The following MAST4 variants were observed in gnomAD, a reference collection of about 807,000 sequenced individuals.
MAST4 encodes the protein microtubule-associated serine/threonine-protein kinase 4.
MAST4 carries 89 observed loss-of-function variants against 162.7 expected under a neutral mutation model. That is an observed-to-expected ratio of 0.55 (90% confidence interval 0.46 to 0.65). The LOEUF is 0.65. Among genes scored for constraint, MAST4 ranks in the 30% least tolerant of loss-of-function variants. The pLI, the probability that MAST4 is intolerant of heterozygous loss-of-function variation, is 0.00. For synonymous variants in MAST4, 1,479 were observed against 1,361.1 expected, an observed-to-expected ratio of 1.09 and a Z score of -1.91; for missense variants, 3,153 against 3,374.0, an observed-to-expected ratio of 0.93 and a Z score of 1.62.
intron 1 of MAST4, among the ~76,000 whole-genome samples, chr5:66,609,419 TG>T (rs1241567841): frequency 7.1e-6 from 1 of 140,234 alleles, no homozygotes; most frequent in Non-Finnish European, 1.5e-5. Flanking sequence ...TGAGACAGCC[TG>T]GCTCTGTTTC....
At chr5:66,605,605 G>C (rs1347935733) in intron 1 of MAST4, among the ~76,000 whole-genome samples, 2 of 152,032 alleles carry the variant, frequency 1.3e-5, no homozygotes, top group Non-Finnish European at 1.5e-5. Flanking sequence ...GAATTACTTG[G>C]TTATTTGTTC....
intron 3 of MAST4, among the ~76,000 whole-genome samples, chr5:66,831,397 A>G (rs1364613666): frequency 6.6e-6 from 1 of 152,196 alleles, no homozygotes; most frequent in East Asian, 1.9e-4. Context: ...CTTAAAGCCC[A>G]GTGTCAAAAA....
intron 3 of MAST4, among the ~76,000 whole-genome samples, chr5:66,872,332 G>C (rs1480304793): frequency 6.6e-6 from 1 of 152,034 alleles, no homozygotes; most frequent in African/African-American, 2.4e-5. Context: ...ACCATGCCTG[G>C]CTAATTTTTG....
intron 4 of MAST4, among the ~76,000 whole-genome samples, chr5:67,038,617 G>A (rs1756330915): frequency 6.6e-6 from 1 of 152,166 alleles, no homozygotes. Flanking sequence ...CCAAGTGCTA[G>A]TCTTCAATTT....
At chr5:66,842,352 A>G (rs762062034) in intron 3 of MAST4, among the ~76,000 whole-genome samples, 8 of 152,170 alleles carry the variant, frequency 5.3e-5, no homozygotes, top group Non-Finnish European at 1.0e-4. Context: ...TAAATGGACA[A>G]AATTTGCCAA....
At chr5:66,934,894 A>G (rs1580930331) in intron 4 of MAST4, among the ~76,000 whole-genome samples, 2 of 152,184 alleles carry the variant, frequency 1.3e-5, no homozygotes, top group South Asian at 4.1e-4. Context: ...GGGTGATTCT[A>G]TAATTTCTGT....
At chr5:66,833,115 T>C (rs961245791) in intron 3 of MAST4, among the ~76,000 whole-genome samples, 1 of 152,196 alleles carries the variant, frequency 6.6e-6, no homozygotes, top group Non-Finnish European at 1.5e-5. Context: ...TAAGAGTGGA[T>C]TTTAACTGTA....
intron 3 of MAST4, among the ~76,000 whole-genome samples, chr5:66,864,542 A>G (rs1340827564): frequency 6.6e-6 from 1 of 152,136 alleles, no homozygotes; most frequent in Non-Finnish European, 1.5e-5. Context: ...ATATTACGGC[A>G]TCTTCCCTTG....
intron 1 of MAST4, among the ~76,000 whole-genome samples, chr5:66,755,239 T>C (rs1373568790): frequency 6.6e-6 from 1 of 151,994 alleles, no homozygotes; most frequent in Non-Finnish European, 1.5e-5. Context: ...GGATATGGAG[T>C]GTGAAAGAGA....
Position 66,635,226 on chromosome 5 carries a change from C to T in MAST4, c.363+38208C>T, listed in dbSNP as rs77279173. Among the ~76,000 whole-genome samples the T allele has an allele frequency of 8.6e-3, 1,302 of 152,240 alleles. 12 individuals are homozygous for T. Among genetic ancestry groups the T allele is most frequent in the African/African-American group, 0.029 (1,200 of 41,514 alleles). On this transcript the variant is annotated intron_variant, in intron 1 of 28. Coordinates refer to ENST00000403625, the MANE Select transcript of MAST4 (RefSeq NM_001164664.2). The stretch of plus-strand genomic sequence containing the variant: ...CGCCATTTCCAACCTTGCTGGTAAC[C>T]GTGCCAGAGTGAAAGAGCTCTGGGA...
At chr5:66,917,368 G>GCAGTT in intron 4 of MAST4, 1 of 203,328 alleles carries the variant, frequency 4.9e-6, no homozygotes, top group Non-Finnish European at 1.0e-5. Context: ...AAATGTCTTT[G>GCAGTT]CAGTTTTTAT....
At chr5:67,111,039 T>A (rs983582762) in intron 11 of MAST4, among the ~76,000 whole-genome samples, 1 of 152,174 alleles carries the variant, frequency 6.6e-6, no homozygotes, top group Non-Finnish European at 1.5e-5. Context: ...ATAAAAAAAA[T>A]TAAAATTAAA....
Position 66,788,667 on chromosome 5 carries a change from C to G in MAST4, c.518-3C>G. On this transcript the variant is annotated splice_polypyrimidine_tract_variant and splice_region_variant and intron_variant, in intron 2 of 28. Transcript: ENST00000403625. ...TACATTTTCTTCTCTTTAACTCCAA[C>G]AGGGAGGTACCTTCTTCCAAACCCG... 1 of 1,399,982 alleles carries G rather than the reference C, an allele frequency of 7.1e-7. No homozygotes were observed. The highest frequency in any genetic ancestry group is 9.6e-7 in the Non-Finnish European group (1 of 1,045,416). The allele number at this position is 1,399,982 out of a possible 1,614,324, so 86.7% of individuals were successfully genotyped here. A position where few individuals can be genotyped will look rare whatever the true frequency, so the allele number is the denominator to read the frequency against.
chr5:66,923,639 G>A (rs996495363), intron 4 of MAST4, among the ~76,000 whole-genome samples: 1 of 152,110 alleles, frequency 6.6e-6, no homozygotes, highest in African/African-American at 2.4e-5. Context: ...TTATACCTAA[G>A]GGTAACCAAA....
chr5:67,131,781 T>C, intron 15 of MAST4, 32 bp from the exon 16 acceptor site: 1 of 1,608,840 alleles, frequency 6.2e-7, no homozygotes, highest in Non-Finnish European at 8.5e-7. Context: ...GCCTTCATCC[T>C]ATAGCTACTA....
chr5:67,094,019 C>T (rs143307000), intron 6 of MAST4: 10 of 489,670 alleles, frequency 2.0e-5, no homozygotes, highest in African/African-American at 7.8e-5. Context: ...AAATCATTAA[C>T]ATTTTCAGTT....
chr5:66,688,802 A>G (rs1748854890), intron 1 of MAST4, among the ~76,000 whole-genome samples: 1 of 152,112 alleles, frequency 6.6e-6, no homozygotes, highest in South Asian at 2.1e-4. Context: ...GGTGGGGAAG[A>G]CCTTGCTTAT....
chr5:67,132,328 T>C (rs1207022130), intron 16 of MAST4, among the ~76,000 whole-genome samples: 1 of 151,854 alleles, frequency 6.6e-6, no homozygotes, highest in Non-Finnish European at 1.5e-5. Flanking sequence ...CTTCCCTAGT[T>C]CCCCACCCCC....
At chr5:67,036,715 T>C (rs10053537) in intron 4 of MAST4, among the ~76,000 whole-genome samples, 39,794 of 152,158 alleles carry the variant, frequency 0.26, 5,696 homozygotes, top group African/African-American at 0.36. Context: ...AAATTGTATG[T>C]GTTCAGTACA....
Sources: allele counts gnomAD v4.1 joint callset (sites outside exome capture counted in the v4.1 genomes callset), GRCh38; gene constraint gnomAD v4.1.1; transcripts MANE v1.5; gene names NCBI Gene and HGNC (gene_info 2026-07-23, HGNC 2026-07-21).